EPB41: variants seen among roughly 807,000 people sequenced by gnomAD.
EPB41 encodes erythrocyte membrane protein band 4.1, also known as protein 4.1.
A neutral mutation model predicts 108.0 loss-of-function variants in EPB41; 65 were observed. The observed-to-expected ratio is 0.60, with a 90% CI of 0.49 to 0.74. The LOEUF (loss-of-function observed/expected upper bound fraction) is 0.74, where lower values mean the gene tolerates loss of function less well. EPB41 is among the 30% of genes least tolerant of loss of function. The probability of loss-of-function intolerance (pLI) is 0.00; values close to 1 mark genes in which losing one functional copy is unlikely to be tolerated. For synonymous variants in EPB41, 336 were observed against 358.9 expected (o/e 0.94, Z 0.72); for missense variants, 875 against 1,037.0 (o/e 0.84, Z 2.15).
chr1:29,083,302 C>T (rs775536971), intron 16 of EPB41, among the ~76,000 whole-genome samples: 18 of 152,146 alleles, frequency 1.2e-4, no homozygotes, highest in Non-Finnish European at 1.9e-4. Flanking sequence ...CTTTTGCTAG[C>T]CCATGGTTAC....
At chr1:29,045,050 C>A (rs1454037967) in intron 11 of EPB41, among the ~76,000 whole-genome samples, 1 of 152,124 alleles carries the variant, frequency 6.6e-6, no homozygotes, top group Non-Finnish European at 1.5e-5. Context: ...AATTCTCTAA[C>A]AATATTCTCT....
chr1:29,002,244 C>G (rs192875177), intron 4 of EPB41, among the ~76,000 whole-genome samples: 1 of 152,140 alleles, frequency 6.6e-6, no homozygotes, highest in East Asian at 1.9e-4. Flanking sequence ...AAGTGGATCA[C>G]TTGAGCCCAG....
rs189707392 is a variant in EPB41 at position 28,901,145 on chromosome 1, A to G, written c.-8+13935A>G. 9.3e-3 allele frequency among the ~76,000 whole-genome samples: 1,419 copies of G among 151,894 alleles called. 17 individuals carry two copies. Among genetic ancestry groups the G allele is most frequent in the African/African-American group, 0.025 (1,019 of 41,450 alleles). Reference sequence around the variant, plus strand: ...GGGGTTTCACTGTGTTAGCCAGGATAGTCTCGATCTGCTGACCTTGTGATC... The same window carrying G: ...GGGGTTTCACTGTGTTAGCCAGGATGGTCTCGATCTGCTGACCTTGTGATC... On this transcript the variant is annotated intron_variant, in intron 1 of 16. Coordinates refer to the EPB41 transcript ENST00000347529.
intron 1 of EPB41, among the ~76,000 whole-genome samples, chr1:28,975,940 C>CAAAAAAAAAA (rs775554564): frequency 1.5e-4 from 10 of 67,642 alleles, no homozygotes; most frequent in East Asian, 6.4e-4. Flanking sequence ...GACTCCATCT[C>CAAAAAAAAAA]AAAAAAAAAA....
chr1:28,902,960 A>T (rs991327444), intron 1 of EPB41, among the ~76,000 whole-genome samples: 4 of 152,180 alleles, frequency 2.6e-5, no homozygotes, highest in Admixed American at 6.6e-5. Flanking sequence ...TTCTGGACTC[A>T]CACACAGCTG....
At chr1:29,052,972 C>A in intron 11 of EPB41, 132 bp from the exon 12 acceptor site, 1 of 972,872 alleles carries the variant, frequency 1.0e-6, no homozygotes, top group Non-Finnish European at 1.6e-6. Flanking sequence ...TTTTTACCCT[C>A]TGTGTGATAG....
chr1:29,051,396 G>A (rs1235614393), intron 11 of EPB41, among the ~76,000 whole-genome samples: 1 of 151,854 alleles, frequency 6.6e-6, no homozygotes, highest in East Asian at 1.9e-4. Context: ...ACCGTGCCTG[G>A]CCAAGCATTT....
chr1:28,963,359 GTGTGTGTGTGTGTGTGTGTGTGTC>G (rs1485693695), intron 1 of EPB41, among the ~76,000 whole-genome samples: 2 of 150,944 alleles, frequency 1.3e-5, no homozygotes, highest in East Asian at 3.9e-4. Context: ...GTGTGTGTGT[GTGTGTGTGTGTGTGTGTGTGTGTC>G]TGTGTGTGAT....
chr1:28,902,090 T>C (rs182418722), intron 1 of EPB41: 3 of 828,680 alleles, frequency 3.6e-6, no homozygotes, highest in Non-Finnish European at 1.5e-6. Flanking sequence ...TGTAAACTGA[T>C]GACTATATGA....
chr1:28,968,605 A>G (rs555918340), intron 1 of EPB41, among the ~76,000 whole-genome samples: 1 of 152,248 alleles, frequency 6.6e-6, no homozygotes, highest in African/African-American at 2.4e-5. Context: ...TGTGAAATGT[A>G]TTAGGTTGAT....
intron 17 of EPB41, among the ~76,000 whole-genome samples, chr1:29,098,463 G>A (rs1433192089): frequency 6.6e-6 from 1 of 152,202 alleles, no homozygotes; most frequent in South Asian, 2.1e-4. Flanking sequence ...CCAAAGTGCT[G>A]AGATTATAGG....
Position 28,997,881 on chromosome 1 carries a change from G to A in EPB41, c.786+562G>A, listed in dbSNP as rs141391963. Among the ~76,000 whole-genome samples, 668 of 152,304 alleles carry A rather than the reference G, an allele frequency of 4.4e-3. 4 individuals are homozygous for A. Among genetic ancestry groups the A allele is most frequent in the African/African-American group, 0.015 (634 of 41,568 alleles). On this transcript the variant is annotated intron_variant, in intron 4 of 20. Transcript: ENST00000343067. ...AGGAGGTAAAAGAATGGACTTGGAGGAGGGAAGAAAGGTTAAAAGTCAGGT... is the reference window on the plus strand; with the variant it reads ...AGGAGGTAAAAGAATGGACTTGGAGAAGGGAAGAAAGGTTAAAAGTCAGGT...
At chr1:29,105,993 A>T (rs759434322) in intron 17 of EPB41, among the ~76,000 whole-genome samples, 1 of 151,860 alleles carries the variant, frequency 6.6e-6, no homozygotes, top group Non-Finnish European at 1.5e-5. Flanking sequence ...CAGGCAATCC[A>T]CCTGCCTCGG....
chr1:28,983,820 C>A (rs2095811853), intron 1 of EPB41, among the ~76,000 whole-genome samples: 1 of 152,068 alleles, frequency 6.6e-6, no homozygotes, highest in Admixed American at 6.5e-5. Context: ...CTCAGTGGGC[C>A]CTTTGCCTTT....
chr1:29,033,376 G>A (rs146859088), intron 9 of EPB41, 131 bp downstream of exon 9: 27 of 1,043,480 alleles, frequency 2.6e-5, no homozygotes, highest in East Asian at 2.3e-4. Flanking sequence ...TGATAATTCC[G>A]TTTTCTAAGT....
chr1:28,950,976 C>T (rs959293132), intron 1 of EPB41, among the ~76,000 whole-genome samples: 1 of 152,128 alleles, frequency 6.6e-6, no homozygotes, highest in Non-Finnish European at 1.5e-5. Context: ...GCTGGGATTA[C>T]AGGCCTGTGC....
intron 1 of EPB41, among the ~76,000 whole-genome samples, chr1:28,954,277 C>T (rs930387119): frequency 6.6e-6 from 1 of 152,064 alleles, no homozygotes; most frequent in African/African-American, 2.4e-5. Context: ...TTGTAGAGGG[C>T]AAAGTAAAAG....
At chr1:29,030,666 C>A (rs2096776925) in intron 8 of EPB41, among the ~76,000 whole-genome samples, 179 bp downstream of exon 8, 1 of 151,920 alleles carries the variant, frequency 6.6e-6, no homozygotes, top group African/African-American at 2.4e-5. Context: ...GTCCCAGCTA[C>A]TGGGGAGGCT....
upstream of EPB41, among the ~76,000 whole-genome samples, chr1:28,914,233 G>C (rs1248810766): frequency 1.3e-5 from 2 of 152,232 alleles, no homozygotes; most frequent in Non-Finnish European, 2.9e-5. Context: ...TCACCGTCCA[G>C]GGCTCTAGCT....
Sources: allele counts gnomAD v4.1 joint callset (sites outside exome capture counted in the v4.1 genomes callset), GRCh38; gene constraint gnomAD v4.1.1; transcripts MANE v1.5; gene names NCBI Gene and HGNC (gene_info 2026-07-23, HGNC 2026-07-21).